Variants in PRPF40B observed in about 807,000 individuals in gnomAD.
PRPF40B encodes the protein pre-mRNA-processing factor 40 homolog B.
A neutral mutation model predicts 124.5 loss-of-function variants in PRPF40B; 56 were observed. That is an observed-to-expected ratio of 0.45 (90% CI 0.36 to 0.56). The LOEUF (loss-of-function observed/expected upper bound fraction) is 0.56, where lower values mean the gene tolerates loss of function less well. Among genes scored for constraint, PRPF40B ranks in the 20% least tolerant of loss-of-function variants. The pLI is 0.00. For synonymous variants in PRPF40B, 443 were observed against 426.4 expected, an observed-to-expected ratio of 1.04 and a Z score of -0.48; for missense variants, 1,053 against 1,169.5, an observed-to-expected ratio of 0.90 and a Z score of 1.45.
Position 49,642,759 on chromosome 12 carries a change from T to G in PRPF40B, c.2118+84T>G. The G allele has an allele frequency of 2.0e-6, 3 of 1,491,472 alleles. No individual in the cohort carries two copies. Among genetic ancestry groups the G allele is most frequent in the Non-Finnish European group, 2.8e-6 (3 of 1,090,134 alleles). 92.4% of individuals were successfully genotyped at this position (1,491,472 alleles called of 1,614,324 possible). On this transcript the variant is annotated intron_variant, in intron 21 of 25. Coordinates refer to ENST00000548825, the MANE Select transcript of PRPF40B (RefSeq NM_001031698.3). This position sits in a 1 kb window ranked among gnomAD's most constrained non-coding sequence, Gnocchi z 5.8. Reference sequence around the variant, plus strand: ...AACAGAGACCTCAGTGGCCTCCCTCTTACCCTTAGGGCACTCCTGGCCAGC... The same window carrying G: ...AACAGAGACCTCAGTGGCCTCCCTCGTACCCTTAGGGCACTCCTGGCCAGC...
At chr12:49,624,646 T>TG (rs1368987642) in intron 1 of PRPF40B, among the ~76,000 whole-genome samples, 1 of 152,106 alleles carries the variant, frequency 6.6e-6, no homozygotes, top group Non-Finnish European at 1.5e-5. Flanking sequence ...GGTCAGGAGT[T>TG]GGAGACCAGC....
In PRPF40B at chr12:49,632,675, G is replaced by C. The variant is rs774010313; in HGVS notation, c.322+52G>C. On this transcript the variant is annotated intron_variant, in intron 5 of 25. Coordinates refer to ENST00000548825, the MANE Select transcript of PRPF40B (RefSeq NM_001031698.3). The stretch of plus-strand genomic sequence containing the variant: ...CCAGGCTCGGAGGTTGGGGGGCATA[G>C]GGGAGAGGGGACCGTGGACTGGAGC... 1.4e-5 allele frequency: 22 copies of C among 1,607,628 alleles called. No individual in the cohort carries two copies. The East Asian group carries it at 4.2e-4, about 31-fold the overall frequency.
At chr12:49,643,512 T>G in intron 23 of PRPF40B, 115 bp downstream of exon 23, 1 of 1,423,262 alleles carries the variant, frequency 7.0e-7, no homozygotes, top group Non-Finnish European at 9.5e-7. Flanking sequence ...GCTGCACCTG[T>G]GGAAGTAGAA....
At position 49,637,576 on chromosome 12, in the gene PRPF40B, G is replaced by C; in HGVS notation, c.1667G>C (p.Gly556Ala). Residue 556 changes from glycine (G) to alanine (A), a missense_variant, in exon 17 of 26, where the codon GGC becomes GCC. Gly to Ala is a moderately conservative substitution (Grantham distance 60). Transcript: ENST00000548825. Reference sequence around the variant, plus strand: ...GATGTCCGCTTTGCCAACATGCTGGGCCAGCCGGGTAAGGCAGCCAGGCTC... The same window carrying C: ...GATGTCCGCTTTGCCAACATGCTGGCCCAGCCGGGTAAGGCAGCCAGGCTC... ...STDVRFANML[G>A]QPGSTPLDLF... 1 of 1,613,454 alleles carries C rather than the reference G, an allele frequency of 6.2e-7. No homozygotes were observed. The highest frequency in any genetic ancestry group is 8.5e-7 in the Non-Finnish European group (1 of 1,179,970).
rs757036317 is a variant in PRPF40B, at chr12:49,631,919, C to G, written c.288C>G (p.Thr96=). Residue 96 remains threonine (T), a synonymous_variant, in exon 4 of 26, where the codon ACC becomes ACG. Transcript: ENST00000548825. The surrounding 1 kb of genome is among the most constrained non-coding windows in gnomAD (Gnocchi z 4.3). The part of the protein sequence containing the change: ...PGMLMPAVPV[T]AATAPGADTA... ...TGCTGATGCCAGCGGTGCCTGTCAC[C>G]GCAGCGGTAAGCACTAGGGGCCAGC... 1 of 1,614,104 alleles carries G rather than the reference C, an allele frequency of 6.2e-7. No individual in the cohort carries two copies. The highest frequency in any genetic ancestry group is 2.2e-5 in the East Asian group (1 of 44,882).
chr12:49,636,003 G>C lies in PRPF40B; in HGVS notation c.1426+10G>C. On this transcript the variant is annotated intron_variant, in intron 15 of 25. Coordinates refer to ENST00000548825, the MANE Select transcript of PRPF40B (RefSeq NM_001031698.3). Reference sequence around the variant, plus strand: ...GACCATCAGCTGCAGAGTAAGCCTGGGCCTCCAATCCCAGCTATCCCTTTC... The same window carrying C: ...GACCATCAGCTGCAGAGTAAGCCTGCGCCTCCAATCCCAGCTATCCCTTTC... 1.2e-6 allele frequency: 2 copies of C among 1,613,832 alleles called. No individual in the cohort carries two copies. The highest frequency in any genetic ancestry group is 1.7e-6 in the Non-Finnish European group (2 of 1,179,866).
rs185094759 is a variant in PRPF40B, at chr12:49,637,034, C to T, written c.1560+185C>T. 3.8e-5 allele frequency: 34 copies of T among 897,490 alleles called. No individual in the cohort carries two copies. The African/African-American group carries it at 4.9e-4, about 13-fold the overall frequency. The allele number at this position is 897,490 out of a possible 1,614,324, so 55.6% of individuals were successfully genotyped here. A position where few individuals can be genotyped will look rare whatever the true frequency, so the allele number is the denominator to read the frequency against. The stretch of plus-strand genomic sequence containing the variant: ...TGTACCTCCTCAATTCTGGACTGTG[C>T]TCTTCTAGGGAGACTAGATGTATGC... On this transcript the variant is annotated intron_variant, in intron 16 of 25. Transcript: ENST00000548825.
rs769383964 is a variant in PRPF40B, at chr12:49,641,964, A to C, written c.1824A>C (p.Ile608=). The change falls in exon 19 of 26, where the codon ATA becomes ATC. Residue 608 remains isoleucine (I), a synonymous_variant. Transcript: ENST00000548825. ...CCTTTGAGGACTTCGCCCACGTCAT[A>C]AGCTTTGACAAGAGGGCTGCCGCAC... ...NTAFEDFAHV[I]SFDKRAAALD... 8 of 1,613,826 alleles carry C rather than the reference A, an allele frequency of 5.0e-6. No homozygotes were observed. In the Admixed American group the frequency reaches 1.0e-4, roughly 20 times the overall value.
At position 49,635,695 on chromosome 12, in the gene PRPF40B, C is replaced by T. The variant is rs1941714385; in HGVS notation, c.1276-148C>T. The T allele has an allele frequency of 5.1e-6, 5 of 989,230 alleles. No individual in the cohort carries two copies. In the Admixed American group the frequency reaches 7.3e-5, roughly 15 times the overall value. 61.3% of individuals were successfully genotyped at this position (989,230 alleles called of 1,614,324 possible). A position where few individuals can be genotyped will look rare whatever the true frequency, so the allele number is the denominator to read the frequency against. On this transcript the variant is annotated intron_variant, in intron 14 of 25. Coordinates refer to ENST00000548825, the MANE Select transcript of PRPF40B (RefSeq NM_001031698.3). This position sits in a 1 kb window ranked among gnomAD's most constrained non-coding sequence, Gnocchi z 4.1. ...CTGAGAGATGGGTCTGTAACCTGTA[C>T]TCCCTCCCCTTCCCTGAGACATGAA...
chr12:49,642,175 G>C lies in PRPF40B; in HGVS notation c.1885-60G>C. ...ACTTTCCACCTCCTAAGGTATGCCT[G>C]AGTGGGACCTGGCATCCACCCTCCT... is the stretch of plus-strand genomic sequence containing the variant. On this transcript the variant is annotated intron_variant, in intron 19 of 25. Transcript: ENST00000548825. This position sits in a 1 kb window ranked among gnomAD's most constrained non-coding sequence, Gnocchi z 5.8. 1 of 1,613,390 alleles carries C rather than the reference G, an allele frequency of 6.2e-7. No individual in the cohort carries two copies. Among genetic ancestry groups the C allele is most frequent in the Non-Finnish European group, 8.5e-7 (1 of 1,179,604 alleles).
Position 49,635,456 on chromosome 12 carries a change from C to A in PRPF40B, c.1258C>A (p.Leu420Met). 6.2e-7 allele frequency: 1 copy of A among 1,613,564 alleles called. No individual in the cohort carries two copies. Among genetic ancestry groups the A allele is most frequent in the Non-Finnish European group, 8.5e-7 (1 of 1,179,750 alleles). Residue 420 changes from leucine (L) to methionine (M), a missense_variant, in exon 14 of 26, where the codon CTG becomes ATG. Leu to Met is a conservative substitution (Grantham distance 15). Around this residue, in one of 2 missense-constraint regions of PRPF40B, gnomAD observed 895 missense variants for 1,052.2 expected, o/e 0.85. Transcript: ENST00000548825. This position sits in a 1 kb window ranked among gnomAD's most constrained non-coding sequence, Gnocchi z 4.1. Reference protein sequence around the residue: ...KEVYDDVLFFLAKKEKEQAKQ... With the variant: ...KEVYDDVLFFMAKKEKEQAKQ... ...GGTTTATGATGATGTCCTCTTCTTC[C>A]TGGCCAAGAAGGAGAAGGTAATGGT...
Position 49,642,466 on chromosome 12 carries a change from G to A in PRPF40B, c.2022+94G>A. 2 of 1,577,432 alleles carry A rather than the reference G, an allele frequency of 1.3e-6. No homozygotes were observed. The highest frequency in any genetic ancestry group is 4.5e-5 in the East Asian group (2 of 44,508). On this transcript the variant is annotated intron_variant, in intron 20 of 25. Transcript: ENST00000548825. The surrounding 1 kb of genome is among the most constrained non-coding windows in gnomAD (Gnocchi z 5.8). ...CCACCCCAGTCACGTCACAGCCCTG[G>A]GCCAGCTCCAGTTCCCTTCCTTTCT...
Position 49,623,600 on chromosome 12 carries a change from T to TC in PRPF40B, c.3+11dup. ...GCTCGGAGGCTCTGGCATGGTAACA[T>TC]CCCCGCGCGGGGGTGGAGGGGCTCG... On this transcript the variant is annotated splice_region_variant and intron_variant, in intron 1 of 25. Coordinates refer to ENST00000548825, the MANE Select transcript of PRPF40B (RefSeq NM_001031698.3). 8.1e-7 allele frequency: 1 copy of TC among 1,229,366 alleles called. No homozygotes were observed. The highest frequency in any genetic ancestry group is 1.0e-6 in the Non-Finnish European group (1 of 986,932). The allele number at this position is 1,229,366 out of a possible 1,614,324, so 76.2% of individuals were successfully genotyped here. A position where few individuals can be genotyped will look rare whatever the true frequency, so the allele number is the denominator to read the frequency against.
intron 5 of PRPF40B, 46 bp from the exon 6 acceptor site, chr12:49,632,809 G>T (rs975687550): frequency 2.3e-5 from 37 of 1,613,742 alleles, no homozygotes; most frequent in Non-Finnish European, 3.1e-5. Flanking sequence ...GAATAAGATG[G>T]AGGTCGGAGC....
Position 49,634,963 on chromosome 12 carries a change from A to G in PRPF40B, c.1002-136A>G, listed in dbSNP as rs548999840. ...TCCTGTCACCCCTACTTCTCCATGA[A>G]TGGTGTTCAGATCCCAGACATCTGT... On this transcript the variant is annotated intron_variant, in intron 12 of 25. Transcript: ENST00000548825. 1.5e-3 allele frequency: 1,388 copies of G among 900,770 alleles called. 3 individuals carry two copies. Among genetic ancestry groups the G allele is most frequent in the Non-Finnish European group, 2.0e-3 (1,181 of 605,502 alleles). 55.8% of individuals were successfully genotyped at this position (900,770 alleles called of 1,614,324 possible).
intron 1 of PRPF40B, among the ~76,000 whole-genome samples, chr12:49,624,496 G>A (rs549162495): frequency 6.6e-6 from 1 of 152,284 alleles, no homozygotes; most frequent in East Asian, 1.9e-4. Context: ...CCACAATGAT[G>A]GAGACCAAAA....
chr12:49,636,005 C>T lies in PRPF40B; in HGVS notation c.1426+12C>T, dbSNP rs1471531314. ...CCATCAGCTGCAGAGTAAGCCTGGG[C>T]CTCCAATCCCAGCTATCCCTTTCCC... On this transcript the variant is annotated intron_variant, in intron 15 of 25. Transcript: ENST00000548825. The T allele has an allele frequency of 6.2e-7, 1 of 1,613,744 alleles. No homozygotes were observed. Among genetic ancestry groups the T allele is most frequent in the African/African-American group, 1.3e-5 (1 of 74,896 alleles).
In PRPF40B at chr12:49,630,526, CTT is replaced by C; in HGVS notation, c.4-16_4-15del. The stretch of plus-strand genomic sequence containing the variant: ...TCTGTGCCCATCCTGGGTCCTATGA[CTT>C]TTCTCTCCCTCAACAGTCGGTTCCC... On this transcript the variant is annotated splice_polypyrimidine_tract_variant and intron_variant, in intron 1 of 25. Transcript: ENST00000548825. 1 of 1,302,724 alleles carries C rather than the reference CTT, an allele frequency of 7.7e-7. No homozygotes were observed. Among genetic ancestry groups the C allele is most frequent in the Non-Finnish European group, 1.1e-6 (1 of 918,704 alleles). 80.7% of individuals were successfully genotyped at this position (1,302,724 alleles called of 1,614,324 possible).
Position 49,634,615 on chromosome 12 carries a change from A to G in PRPF40B, c.1001+13A>G, listed in dbSNP as rs1941564904. 15 of 1,613,928 alleles carry G rather than the reference A, an allele frequency of 9.3e-6. No individual in the cohort carries two copies. The highest frequency in any genetic ancestry group is 1.2e-5 in the Non-Finnish European group (14 of 1,179,932). On this transcript the variant is annotated intron_variant, in intron 12 of 25. Coordinates refer to ENST00000548825, the MANE Select transcript of PRPF40B (RefSeq NM_001031698.3). ...ACCCCCGTTACAGGTAGGCCTGGGC[A>G]GAGGGAGCCAGGCCCTGTTCATGAG...
Sources: gnomAD v4.1 joint callset for allele counts (sites outside exome capture counted in the v4.1 genomes callset) on GRCh38, gnomAD v4.1.1 for gene constraint, gnomAD v4.1.1 regional missense constraint, Gnocchi (gnomAD v3.1) non-coding constraint, MANE v1.5 for transcripts, NCBI Gene and HGNC (gene_info 2026-07-23, HGNC 2026-07-21) for gene names.